XPNPEP1: variants seen among roughly 807,000 people sequenced by gnomAD.
XPNPEP1 encodes the protein xaa-Pro aminopeptidase 1.
A neutral mutation model predicts 92.4 loss-of-function variants in XPNPEP1; 39 were observed. That is an observed-to-expected ratio of 0.42 (90% CI 0.33 to 0.55). The LOEUF is 0.55. XPNPEP1 is among the 20% of genes least tolerant of loss of function. The pLI is 0.08. For synonymous variants in XPNPEP1, 307 were observed against 299.4 expected (o/e 1.03, Z -0.26); for missense variants, 654 against 856.1 (o/e 0.76, Z 2.95).
At position 109,915,399 on chromosome 10, in the gene XPNPEP1, G is replaced by A. The variant is rs114026327; in HGVS notation, c.33-300C>T. Among the ~76,000 whole-genome samples the A allele has an allele frequency of 2.3e-3, 343 of 152,204 alleles. 4 individuals are homozygous for A. Among genetic ancestry groups the A allele is most frequent in the African/African-American group, 8.0e-3 (331 of 41,524 alleles). On this transcript the variant is annotated intron_variant, in intron 1 of 20. Coordinates refer to ENST00000502935, the MANE Select transcript of XPNPEP1 (RefSeq NM_020383.4). ...TTTTTCCTTACACAAGTTCTATTTG[G>A]TTCTTTTTCACATCTGCCCGTTCTT...
rs1445468144 is a variant in XPNPEP1 at position 109,867,020 on chromosome 10, T to A, written c.1872+1594A>T. On this transcript the variant is annotated intron_variant, in intron 20 of 20. Coordinates refer to ENST00000502935, the MANE Select transcript of XPNPEP1 (RefSeq NM_020383.4). The surrounding 1 kb of genome is among the most constrained non-coding windows in gnomAD (Gnocchi z 4.5). Reference sequence around the variant, plus strand: ...GGGAATGTCATATGGGAGAAATGCCTCCTGATGGGTACACTTTATGTGGAC... The same window carrying A: ...GGGAATGTCATATGGGAGAAATGCCACCTGATGGGTACACTTTATGTGGAC... Among the ~76,000 whole-genome samples the A allele has an allele frequency of 1.3e-5, 2 of 152,230 alleles. No individual in the cohort carries two copies. Among genetic ancestry groups the A allele is most frequent in the African/African-American group, 4.8e-5 (2 of 41,470 alleles).
chr10:109,885,213 C>G (rs746933873), intron 8 of XPNPEP1, among the ~76,000 whole-genome samples: 4 of 152,118 alleles, frequency 2.6e-5, no homozygotes, highest in African/African-American at 4.8e-5. Flanking sequence ...CTTAGGGAAA[C>G]AGTTAAATAA....
At chr10:109,922,050 G>C (rs889901246) in intron 1 of XPNPEP1, among the ~76,000 whole-genome samples, 2 of 152,134 alleles carry the variant, frequency 1.3e-5, no homozygotes, top group Non-Finnish European at 2.9e-5. Context: ...TGGTGCTCCC[G>C]GATTCAGCCA....
chr10:109,866,365 T>TG (rs1847143345), intron 20 of XPNPEP1, among the ~76,000 whole-genome samples: 1 of 152,078 alleles, frequency 6.6e-6, no homozygotes, highest in South Asian at 2.1e-4. Flanking sequence ...GAGAAGAGCC[T>TG]AGTAGCCCCT....
intron 1 of XPNPEP1, among the ~76,000 whole-genome samples, chr10:109,922,701 C>G (rs1440728030): frequency 6.6e-6 from 1 of 152,206 alleles, no homozygotes; most frequent in Non-Finnish European, 1.5e-5. Context: ...CACCTCTCTC[C>G]GTCTCCCACT....
At chr10:109,900,025 A>G (rs146704616) in intron 3 of XPNPEP1, among the ~76,000 whole-genome samples, 9 of 152,344 alleles carry the variant, frequency 5.9e-5, no homozygotes, top group African/African-American at 1.9e-4. Context: ...TTAATACAAC[A>G]ACCCTAATAC....
At chr10:109,869,554 G>C (rs1030963256) in intron 19 of XPNPEP1, among the ~76,000 whole-genome samples, 2 of 152,272 alleles carry the variant, frequency 1.3e-5, no homozygotes, top group Non-Finnish European at 2.9e-5. Context: ...GGGTCTGGGA[G>C]GGGCCCTGGA....
intron 3 of XPNPEP1, among the ~76,000 whole-genome samples, chr10:109,905,573 T>C (rs964855568): frequency 2.0e-5 from 3 of 152,072 alleles, no homozygotes; most frequent in Admixed American, 2.0e-4. Context: ...GGAGAGAGAC[T>C]GGGAGGAGCT....
chr10:109,884,382 C>T (rs899683222), intron 8 of XPNPEP1: 4 of 497,162 alleles, frequency 8.0e-6, no homozygotes, highest in Non-Finnish European at 7.1e-6. Flanking sequence ...CATCACTGCC[C>T]GGAGAAGGGA....
Position 109,873,217 on chromosome 10 carries a change from C to T in XPNPEP1, c.1452+150G>A, listed in dbSNP as rs183434007. 1.7e-4 allele frequency: 147 copies of T among 854,692 alleles called. No homozygotes were observed. In the African/African-American group the frequency reaches 2.3e-3, roughly 13 times the overall value. 52.9% of individuals were successfully genotyped at this position (854,692 alleles called of 1,614,324 possible). ...TTCCAATAATTAGTTAAATGAACCT[C>T]GTAAAGCAGATAAGCCTGACTCCAC... On this transcript the variant is annotated intron_variant, in intron 16 of 20. Transcript: ENST00000502935.
At chr10:109,891,159 G>T (rs991555995) in intron 5 of XPNPEP1, 3 of 152,252 alleles carry the variant, frequency 2.0e-5, no homozygotes, top group African/African-American at 7.2e-5. Flanking sequence ...ACATAGTAAT[G>T]CTTTAATTCT....
At chr10:109,884,217 G>A in intron 8 of XPNPEP1, 69 bp from the exon 9 acceptor site, 1 of 1,483,674 alleles carries the variant, frequency 6.7e-7, no homozygotes, top group African/African-American at 1.4e-5. Context: ...TGTAGCGGGA[G>A]GGAAGAGCTT....
At chr10:109,877,894 T>A (rs368555577) in intron 13 of XPNPEP1, 27 bp from the exon 14 acceptor site, 1 of 1,614,048 alleles carries the variant, frequency 6.2e-7, no homozygotes, top group Admixed American at 1.7e-5. Flanking sequence ...GAAAGCAGAG[T>A]GGCTTAAAGG....
chr10:109,918,538 G>C (rs974786140), intron 1 of XPNPEP1, among the ~76,000 whole-genome samples: 16 of 152,198 alleles, frequency 1.1e-4, no homozygotes, highest in Non-Finnish European at 2.4e-4. Context: ...GAGGTGGGCA[G>C]ATCACGAGGT....
At chr10:109,903,142 C>T (rs148309149) in intron 3 of XPNPEP1, among the ~76,000 whole-genome samples, 1,636 of 152,320 alleles carry the variant, frequency 0.011, 28 homozygotes, top group African/African-American at 0.038. Context: ...AGTAAACACA[C>T]AGATAATATC....
chr10:109,915,822 T>G (rs1393730043), intron 1 of XPNPEP1, among the ~76,000 whole-genome samples: 3 of 152,204 alleles, frequency 2.0e-5, no homozygotes, highest in Admixed American at 1.3e-4. Context: ...TCTGGTAACT[T>G]TCCCAGGCTC....
At chr10:109,873,682 G>A in intron 15 of XPNPEP1, 1 of 488,556 alleles carries the variant, frequency 2.0e-6, no homozygotes, top group Non-Finnish European at 3.7e-6. Context: ...TGTACATGAA[G>A]GTTCACAGCC....
Position 109,884,133 on chromosome 10 carries a change from C to G in XPNPEP1, c.764G>C (p.Arg255Pro). 1.9e-6 allele frequency: 3 copies of G among 1,613,838 alleles called. No individual in the cohort carries two copies. Among genetic ancestry groups the G allele is most frequent in the Non-Finnish European group, 2.5e-6 (3 of 1,179,880 alleles). The change falls in exon 9 of 21, where the codon CGA becomes CCA. Residue 255 changes from arginine (R) to proline (P), a missense_variant. Physicochemically the swap from Arg to Pro is moderately radical, Grantham distance 103. Coordinates refer to ENST00000502935, the MANE Select transcript of XPNPEP1 (RefSeq NM_020383.4). ...TGGATTGTGCTCCACATCTGATCCT[C>G]GGAGATTAAATAGCCCTAGAAAAGA... Reference protein sequence around the residue: ...LDEIAWLFNLRGSDVEHNPVF... With the variant: ...LDEIAWLFNLPGSDVEHNPVF...
chr10:109,867,519 C>A lies in XPNPEP1; in HGVS notation c.1872+1095G>T, dbSNP rs1686409125. Among the ~76,000 whole-genome samples, 1 of 152,216 alleles carries A rather than the reference C, an allele frequency of 6.6e-6. No homozygotes were observed. Among genetic ancestry groups the A allele is most frequent in the South Asian group, 2.1e-4 (1 of 4,832 alleles). ...TAAGCAGGAAGTGGATGGACTTTCT[C>A]ATCACCCACCTGTGAACTGGAACAG... On this transcript the variant is annotated intron_variant, in intron 20 of 20. Transcript: ENST00000502935. This position sits in a 1 kb window ranked among gnomAD's most constrained non-coding sequence, Gnocchi z 4.5.
Sources: allele counts gnomAD v4.1 joint callset (sites outside exome capture counted in the v4.1 genomes callset), GRCh38; gene constraint gnomAD v4.1.1; non-coding constraint Gnocchi (gnomAD v3.1); transcripts MANE v1.5; gene names NCBI Gene and HGNC (gene_info 2026-07-23, HGNC 2026-07-21).